CNN3: variants seen among roughly 807,000 people sequenced by gnomAD.
The protein encoded by CNN3 is calponin-3.
A neutral mutation model predicts 39.0 loss-of-function variants in CNN3; 11 were observed. The ratio of observed to expected loss-of-function variants is 0.28; its 90% CI spans 0.18 to 0.47. The LOEUF (loss-of-function observed/expected upper bound fraction) is 0.47. Ranked by LOEUF, CNN3 falls within the 20% of genes least tolerant of loss-of-function variation. The pLI is 0.99. For missense variants in CNN3, 266 were observed against 403.4 expected (o/e 0.66, Z 2.92); for synonymous variants, 101 against 138.3 (o/e 0.73, Z 1.89).
chr1:94,920,686 G>A (rs1436680104), intron 1 of CNN3, among the ~76,000 whole-genome samples: 1 of 152,150 alleles, frequency 6.6e-6, no homozygotes, highest in Non-Finnish European at 1.5e-5. Context: ...ATCCAACCCA[G>A]TTCCCACAGT....
intron 5 of CNN3, among the ~76,000 whole-genome samples, chr1:94,900,068 A>G (rs1467301721): frequency 6.6e-6 from 1 of 152,232 alleles, no homozygotes; most frequent in Non-Finnish European, 1.5e-5. Flanking sequence ...AGGTGGAATG[A>G]GGAATTTGAA....
intron 1 of CNN3, among the ~76,000 whole-genome samples, chr1:94,907,335 C>A (rs114645016): frequency 6.6e-6 from 1 of 152,080 alleles, no homozygotes; most frequent in African/African-American, 2.4e-5. Context: ...GCAGTCAGGC[C>A]AGCTAAACAG....
intron 1 of CNN3, among the ~76,000 whole-genome samples, chr1:94,910,438 C>T (rs1368062348): frequency 6.6e-6 from 1 of 150,470 alleles, no homozygotes; most frequent in African/African-American, 2.4e-5. Context: ...TAACATGGTC[C>T]CAAAATAGGA....
intron 1 of CNN3, among the ~76,000 whole-genome samples, chr1:94,903,900 A>T (rs183070849): frequency 4.5e-4 from 69 of 152,340 alleles, no homozygotes; most frequent in African/African-American, 1.5e-3. Context: ...AAAGCTGGGG[A>T]AAGGATTCTG....
chr1:94,916,098 G>A (rs1030617385), intron 1 of CNN3, among the ~76,000 whole-genome samples: 1 of 152,046 alleles, frequency 6.6e-6, no homozygotes, highest in Non-Finnish European at 1.5e-5. Context: ...CTCATACACT[G>A]TCCTGTTTGT....
chr1:94,914,046 C>G (rs914187611), intron 1 of CNN3, among the ~76,000 whole-genome samples: 1 of 152,136 alleles, frequency 6.6e-6, no homozygotes, highest in Non-Finnish European at 1.5e-5. Context: ...AGATGTTCCT[C>G]AAGTTTTTGT....
chr1:94,922,641 C>A (rs1266916303), intron 1 of CNN3, among the ~76,000 whole-genome samples: 3 of 152,210 alleles, frequency 2.0e-5, no homozygotes, highest in African/African-American at 7.2e-5. Flanking sequence ...ACCAGCAAGA[C>A]AAGGCAAACC....
chr1:94,901,180 C>A (rs1231287785), intron 5 of CNN3, among the ~76,000 whole-genome samples: 5 of 151,928 alleles, frequency 3.3e-5, no homozygotes, highest in Non-Finnish European at 7.4e-5. Context: ...ATGGTGAAAT[C>A]CTATCTCTAC....
intron 4 of CNN3, 49 bp downstream of exon 4, chr1:94,902,072 A>G (rs773535527): frequency 6.6e-7 from 1 of 1,512,636 alleles, no homozygotes; most frequent in Non-Finnish European, 9.2e-7. Flanking sequence ...GCAATTCATC[A>G]CCAATGTGGT....
intron 1 of CNN3, among the ~76,000 whole-genome samples, chr1:94,907,759 C>T (rs1297903434): frequency 2.6e-5 from 4 of 152,134 alleles, no homozygotes; most frequent in Non-Finnish European, 5.9e-5. Flanking sequence ...ACTTGGGAGG[C>T]TGAGGCAGGA....
chr1:94,907,081 G>C (rs765152510), intron 1 of CNN3, among the ~76,000 whole-genome samples: 28 of 151,552 alleles, frequency 1.8e-4, no homozygotes, highest in African/African-American at 4.6e-4. Flanking sequence ...GAGTGGTTGT[G>C]GGGGGGAGCT....
intron 1 of CNN3, among the ~76,000 whole-genome samples, chr1:94,918,441 C>A (rs1671345552): frequency 6.9e-6 from 1 of 145,694 alleles, no homozygotes; most frequent in African/African-American, 2.6e-5. Context: ...TTACAACGAG[C>A]CGAGATCACA....
At chr1:94,916,805 CAGA>C (rs1304921864) in intron 1 of CNN3, among the ~76,000 whole-genome samples, 1 of 152,188 alleles carries the variant, frequency 6.6e-6, no homozygotes, top group Admixed American at 6.5e-5. Flanking sequence ...GCACTTACAT[CAGA>C]AGGTTACTGG....
chr1:94,909,749 G>A lies in CNN3; in HGVS notation c.58-6225C>T, dbSNP rs563540892. Among the ~76,000 whole-genome samples, 882 of 152,010 alleles carry A rather than the reference G, an allele frequency of 5.8e-3. 4 individuals carry two copies. The highest frequency in any genetic ancestry group is 0.01 in the Non-Finnish European group (687 of 68,002). On this transcript the variant is annotated intron_variant, in intron 1 of 6. Coordinates refer to ENST00000370206, the MANE Select transcript of CNN3 (RefSeq NM_001839.5). ...AAGAACCCTCAGAAAGGGAGAAAGA[G>A]TAAAGGGAGACCTAGCTTCAAAAAG...
At chr1:94,902,354 G>A in intron 3 of CNN3, 96 bp from the exon 4 acceptor site, 1 of 1,043,346 alleles carries the variant, frequency 9.6e-7, no homozygotes, top group Non-Finnish European at 1.4e-6. Flanking sequence ...ATAAGACGCT[G>A]CCCAGAAAGC....
intron 1 of CNN3, among the ~76,000 whole-genome samples, chr1:94,920,197 T>C (rs1312120606): frequency 1.3e-5 from 2 of 152,186 alleles, no homozygotes; most frequent in Non-Finnish European, 2.9e-5. Context: ...GTGGACAGAA[T>C]GGTGCAGATC....
chr1:94,926,902 C>T lies in CNN3; in HGVS notation c.-8G>A, dbSNP rs377140914. 4 of 1,607,222 alleles carry T rather than the reference C, an allele frequency of 2.5e-6. No individual in the cohort carries two copies. Among genetic ancestry groups the T allele is most frequent in the Non-Finnish European group, 8.5e-7 (1 of 1,176,474 alleles). ...CTTGTTGAAGTGGGTCATGGTGGTT[C>T]GGGCGGCGGGAAGAGACAGCGCTGG... On this transcript the variant is annotated 5_prime_UTR_variant, in exon 1 of 7. Transcript: ENST00000370206. This position sits in a 1 kb window ranked among gnomAD's most constrained non-coding sequence, Gnocchi z 4.2.
chr1:94,899,581 A>G (rs1179168056), intron 5 of CNN3, 64 bp from the exon 6 acceptor site: 1 of 1,524,364 alleles, frequency 6.6e-7, no homozygotes. Flanking sequence ...AACACAAACA[A>G]AACTTTCCAT....
At chr1:94,901,858 G>T in intron 4 of CNN3, 73 bp from the exon 5 acceptor site, 1 of 1,088,548 alleles carries the variant, frequency 9.2e-7, no homozygotes, top group Non-Finnish European at 1.4e-6. Context: ...GAAATGATAT[G>T]TCCATAGACA....
Sources: allele counts gnomAD v4.1 joint callset (sites outside exome capture counted in the v4.1 genomes callset), GRCh38; gene constraint gnomAD v4.1.1; non-coding constraint Gnocchi (gnomAD v3.1); transcripts MANE v1.5; gene names NCBI Gene and HGNC (gene_info 2026-07-23, HGNC 2026-07-21).